CCDC82: variants seen among roughly 807,000 people sequenced by gnomAD.
The protein encoded by CCDC82 is coiled-coil domain-containing protein 82.
Under a neutral mutation model 60.6 loss-of-function variants are expected in CCDC82, and 47 were observed. The ratio of observed to expected loss-of-function variants is 0.77; its 90% confidence interval spans 0.61 to 0.99. The LOEUF (loss-of-function observed/expected upper bound fraction) is 0.99, where lower values mean the gene tolerates loss of function less well. Among genes scored for constraint, CCDC82 ranks in the 50% least tolerant of loss-of-function variants. The probability of loss-of-function intolerance (pLI) is 0.00; values close to 1 mark genes in which losing one functional copy is unlikely to be tolerated. For synonymous variants in CCDC82, 212 were observed against 207.4 expected (o/e 1.02, Z -0.19); for missense variants, 588 against 633.0 (o/e 0.93, Z 0.76).
intron 9 of CCDC82, chr11:96,357,232 T>C (rs1422037138): frequency 1.0e-6 from 1 of 985,284 alleles, no homozygotes; most frequent in Non-Finnish European, 1.2e-6. Context: ...TATAAACCTC[T>C]GTGGTTTCTA....
intron 9 of CCDC82, chr11:96,357,689 A>G: frequency 1.0e-6 from 1 of 985,176 alleles, no homozygotes; most frequent in Non-Finnish European, 1.2e-6. Context: ...TAACTGTGCT[A>G]TCCCAATAGG....
chr11:96,361,600 T>C (rs915296759), intron 8 of CCDC82, among the ~76,000 whole-genome samples: 10 of 152,210 alleles, frequency 6.6e-5, no homozygotes, highest in African/African-American at 2.2e-4. Flanking sequence ...ATAGGTGTAA[T>C]ACTCCAAGTG....
chr11:96,389,571 A>C (rs980086738), intron 1 of CCDC82: 6 of 152,270 alleles, frequency 3.9e-5, no homozygotes, highest in East Asian at 1.9e-4. Flanking sequence ...CAGAAACCCG[A>C]GAAATCACCA....
rs764776884 is a variant in CCDC82, at chr11:96,353,389, T to C, written c.*257A>G. On this transcript the variant is annotated 3_prime_UTR_variant, in exon 10 of 10. Coordinates refer to ENST00000646818, the MANE Select transcript of CCDC82 (RefSeq NM_024725.4). ...TCATTCACTTGACAGTCATCTGTTA[T>C]AAAGCCATTATTATATAACTTTAAA... is the stretch of plus-strand genomic sequence containing the variant. The C allele has an allele frequency of 2.8e-6, 1 of 354,782 alleles. No homozygotes were observed. Among genetic ancestry groups the C allele is most frequent in the Non-Finnish European group, 5.1e-6 (1 of 195,958 alleles). The allele number at this position is 354,782 out of a possible 1,614,324, so 22.0% of individuals were successfully genotyped here.
chr11:96,362,869 C>T (rs1470523909), intron 8 of CCDC82, among the ~76,000 whole-genome samples: 2 of 152,100 alleles, frequency 1.3e-5, no homozygotes, highest in Admixed American at 1.3e-4. Flanking sequence ...GTTAATGTCT[C>T]AATTTTATGT....
chr11:96,359,811 T>TC (rs1591164360), intron 8 of CCDC82, among the ~76,000 whole-genome samples: 9 of 151,578 alleles, frequency 5.9e-5, no homozygotes, highest in South Asian at 2.1e-4. Context: ...TACTTTTCTT[T>TC]TCCCCCCCCA....
At chr11:96,380,765 A>G (rs1375717431) in intron 5 of CCDC82, 1 of 151,842 alleles carries the variant, frequency 6.6e-6, no homozygotes, top group Non-Finnish European at 1.5e-5. Flanking sequence ...TTCCAACTAT[A>G]TGACAGTTTG....
At chr11:96,386,607 GTCCTGATC>G (rs1866212150) in intron 2 of CCDC82, 1 of 152,152 alleles carries the variant, frequency 6.6e-6, no homozygotes, top group Non-Finnish European at 1.5e-5. Context: ...GTCTCACTAT[GTCCTGATC>G]TCCTGACCTC....
In CCDC82 at chr11:96,371,148, G is replaced by A. The variant is rs1462093169; in HGVS notation, c.1085-11C>T. On this transcript the variant is annotated splice_polypyrimidine_tract_variant and intron_variant, in intron 6 of 9. Transcript: ENST00000646818. ...TTTGCCTTGTGCCATCTGTTCAGGG[G>A]ATAAACAACAAAAAAAATCATTTTG... 13 of 1,504,722 alleles carry A rather than the reference G, an allele frequency of 8.6e-6. No individual in the cohort carries two copies. The highest frequency in any genetic ancestry group is 1.2e-5 in the Non-Finnish European group (13 of 1,127,044). 93.2% of individuals were successfully genotyped at this position (1,504,722 alleles called of 1,614,324 possible).
chr11:96,369,593 T>C (rs1182374378), intron 7 of CCDC82, among the ~76,000 whole-genome samples: 1 of 152,180 alleles, frequency 6.6e-6, no homozygotes, highest in Non-Finnish European at 1.5e-5. Context: ...CACTATTATA[T>C]GGGCATGGTT....
chr11:96,369,342 C>T (rs1205995180), intron 7 of CCDC82, among the ~76,000 whole-genome samples: 1 of 152,184 alleles, frequency 6.6e-6, no homozygotes, highest in African/African-American at 2.4e-5. Flanking sequence ...TACATTTCAG[C>T]CTATCTGAAC....
At chr11:96,357,602 C>T (rs1864413834) in intron 9 of CCDC82, 1 of 982,102 alleles carries the variant, frequency 1.0e-6, no homozygotes, top group Non-Finnish European at 1.2e-6. Context: ...TAAAGTTCTT[C>T]CCCATATATG....
intron 5 of CCDC82, among the ~76,000 whole-genome samples, chr11:96,375,039 T>C (rs1865494136): frequency 6.6e-6 from 1 of 152,122 alleles, no homozygotes; most frequent in Non-Finnish European, 1.5e-5. Flanking sequence ...TATCAAACTC[T>C]GGACATAATA....
At chr11:96,377,349 G>C (rs1865632048) in intron 5 of CCDC82, among the ~76,000 whole-genome samples, 1 of 95,412 alleles carries the variant, frequency 1.0e-5, no homozygotes, top group Non-Finnish European at 2.0e-5. Context: ...TTATATGTGT[G>C]TACATAATAC....
intron 9 of CCDC82, chr11:96,357,359 A>C (rs1864399952): frequency 1.0e-6 from 1 of 985,282 alleles, no homozygotes; most frequent in Non-Finnish European, 1.2e-6. Flanking sequence ...AGACATGCAC[A>C]ATCTTGAAAT....
At chr11:96,370,946 A>G in intron 7 of CCDC82, 67 bp downstream of exon 7, 1 of 1,350,854 alleles carries the variant, frequency 7.4e-7, no homozygotes, top group Non-Finnish European at 9.8e-7. Flanking sequence ...TTCAGTCTGG[A>G]TTTTAAAATC....
At chr11:96,389,533 G>A (rs1190880307) in intron 1 of CCDC82, 1 of 152,204 alleles carries the variant, frequency 6.6e-6, no homozygotes, top group Non-Finnish European at 1.5e-5. Flanking sequence ...TCTGCACCGA[G>A]AAAACAATTA....
intron 8 of CCDC82, chr11:96,364,679 A>T (rs935973148): frequency 5.0e-6 from 1 of 199,890 alleles, no homozygotes. Flanking sequence ...GCTCTTGTCT[A>T]AAAAACACTT....
chr11:96,373,877 G>C (rs1232122567), intron 5 of CCDC82, among the ~76,000 whole-genome samples: 1 of 152,160 alleles, frequency 6.6e-6, no homozygotes, highest in Non-Finnish European at 1.5e-5. Context: ...ATATGAAATT[G>C]TCCAGGGAAC....
Sources: gnomAD v4.1 joint callset for allele counts (sites outside exome capture counted in the v4.1 genomes callset) on GRCh38, gnomAD v4.1.1 for gene constraint, MANE v1.5 for transcripts, NCBI Gene and HGNC (gene_info 2026-07-23, HGNC 2026-07-21) for gene names.